The following GOLGA8B variants were observed in gnomAD, a reference collection of about 807,000 sequenced individuals.
GOLGA8B encodes golgin subfamily A member 8B.
Under a neutral mutation model 15.6 loss-of-function variants are expected in GOLGA8B, and 1 was observed. That is an observed-to-expected ratio of 0.06 (90% CI 0.02 to 0.30). The LOEUF is 0.30. Among genes scored for constraint, GOLGA8B ranks in the 10% least tolerant of loss-of-function variants. GOLGA8B has a pLI of 1.00. For synonymous variants in GOLGA8B, 9 were observed against 80.3 expected (o/e 0.11, Z 4.75); for missense variants, 17 against 201.3 (o/e 0.08, Z 5.54).
intron 1 of GOLGA8B, among the ~76,000 whole-genome samples, chr15:34,574,519 G>A (rs1195163321): frequency 4.0e-5 from 6 of 151,696 alleles, no homozygotes; most frequent in African/African-American, 1.5e-4. Context: ...TGCCCAGGCT[G>A]ATCTCAAACT....
At chr15:34,573,503 C>G (rs1458466441) in intron 1 of GOLGA8B, among the ~76,000 whole-genome samples, 11 of 141,038 alleles carry the variant, frequency 7.8e-5, no homozygotes, top group African/African-American at 2.1e-4. Flanking sequence ...TGCCACTGCA[C>G]TCCAGCCTGG....
At chr15:34,580,296 G>C (rs895415752) in intron 1 of GOLGA8B, among the ~76,000 whole-genome samples, 11 of 152,186 alleles carry the variant, frequency 7.2e-5, no homozygotes, top group Admixed American at 2.6e-4. Context: ...TTGGGAGCGA[G>C]TGGGAGAATT....
At position 34,531,306 on chromosome 15, in the gene GOLGA8B, CAG is replaced by C. The variant is rs1278456771; in HGVS notation, c.528_529del (p.Ala178CysfsTer17). On this transcript the variant is annotated frameshift_variant, in exon 15 of 24. Transcript: ENST00000683415. LOFTEE classifies it high-confidence loss of function. ...CTTCTTCTGTGTGGCGGCGACAGCA[CAG>C]AGAGACCACTCTAACTCTCCTATAC... 2.4e-5 allele frequency: 2 copies of C among 83,528 alleles called. No individual in the cohort carries two copies. Among genetic ancestry groups the C allele is most frequent in the East Asian group, 8.0e-4 (2 of 2,514 alleles). The allele number at this position is 83,528 out of a possible 1,614,324, so 5.2% of individuals were successfully genotyped here.
intron 1 of GOLGA8B, among the ~76,000 whole-genome samples, chr15:34,567,907 AC>A (rs1473431270): frequency 1.4e-5 from 2 of 141,606 alleles, no homozygotes; most frequent in African/African-American, 6.4e-5. Context: ...AAAGCCACTT[AC>A]CCCTTTTTCA....
intron 1 of GOLGA8B, among the ~76,000 whole-genome samples, chr15:34,565,490 GT>G: frequency 1.5e-5 from 1 of 68,746 alleles, no homozygotes; most frequent in Admixed American, 1.4e-4. Flanking sequence ...TTGATAAGGT[GT>G]CCCCTCTTTA....
chr15:34,581,992 A>G (rs1889249219), intron 1 of GOLGA8B, among the ~76,000 whole-genome samples: 1 of 152,088 alleles, frequency 6.6e-6, no homozygotes, highest in Admixed American at 6.5e-5. Flanking sequence ...CGCCCTGGAC[A>G]CTGCCCGGAG....
intron 1 of GOLGA8B, among the ~76,000 whole-genome samples, chr15:34,578,555 T>C (rs1206908947): frequency 1.3e-5 from 2 of 152,088 alleles, no homozygotes; most frequent in Non-Finnish European, 1.5e-5. Context: ...CACAGCAGAG[T>C]GCTCTTAGGC....
Position 34,525,968 on chromosome 15 carries a change from C to T in GOLGA8B, c.*1664G>A, listed in dbSNP as rs1182243574. 6.7e-6 allele frequency: 1 copy of T among 149,228 alleles called. No homozygotes were observed. The highest frequency in any genetic ancestry group is 1.5e-5 in the Non-Finnish European group (1 of 67,118). The allele number at this position is 149,228 out of a possible 1,614,324, so 9.2% of individuals were successfully genotyped here. A position where few individuals can be genotyped will look rare whatever the true frequency, so the allele number is the denominator to read the frequency against. ...TAATAATGTGATGTGTTTTGGAACA[C>T]AGACATTAGAACTTCATGAAGTTTT... On this transcript the variant is annotated 3_prime_UTR_variant, in exon 24 of 24. Coordinates refer to ENST00000683415, the MANE Select transcript of GOLGA8B (RefSeq NM_001023567.5).
intron 1 of GOLGA8B, among the ~76,000 whole-genome samples, chr15:34,572,832 T>C (rs956247352): frequency 2.0e-5 from 3 of 152,268 alleles, no homozygotes; most frequent in African/African-American, 4.8e-5. Flanking sequence ...ATCTATCATA[T>C]GTTAGGCGCC....
intron 1 of GOLGA8B, among the ~76,000 whole-genome samples, chr15:34,576,265 A>G (rs1159895118): frequency 6.6e-6 from 1 of 152,236 alleles, no homozygotes; most frequent in African/African-American, 2.4e-5. Context: ...GGCTGCCTCT[A>G]GGTGTATCAA....
chr15:34,582,050 C>A (rs577941368), intron 1 of GOLGA8B, among the ~76,000 whole-genome samples: 17 of 152,202 alleles, frequency 1.1e-4, no homozygotes, highest in Non-Finnish European at 2.4e-4. Flanking sequence ...TCCTGCCCCG[C>A]AGTTCCTAAG....
Position 34,527,485 on chromosome 15 carries a change from ATAAACT to A in GOLGA8B, c.*141_*146del, listed in dbSNP as rs773937208. 9.7e-5 allele frequency: 69 copies of A among 712,012 alleles called. No homozygotes were observed. Among genetic ancestry groups the A allele is most frequent in the South Asian group, 8.1e-4 (38 of 47,132 alleles). 44.1% of individuals were successfully genotyped at this position (712,012 alleles called of 1,614,324 possible). On this transcript the variant is annotated 3_prime_UTR_variant, in exon 24 of 24. Transcript: ENST00000683415. ...CCCACTCTCTTTTAACTTTTTACAA[ATAAACT>A]TAAACTATAAATTAGAAACACAAAT...
rs191481674 is a variant in GOLGA8B, at chr15:34,526,880, A to G, written c.*752T>C. On this transcript the variant is annotated 3_prime_UTR_variant, in exon 24 of 24. Transcript: ENST00000683415. ...CGATGCAATATCTTCATGAGCCCAG[A>G]GCACATACAAATCCAAAGGGAACTG... is the stretch of plus-strand genomic sequence containing the variant. The G allele has an allele frequency of 6.7e-6, 1 of 150,056 alleles. No individual in the cohort carries two copies. The highest frequency in any genetic ancestry group is 2.0e-4 in the East Asian group (1 of 5,088). 9.3% of individuals were successfully genotyped at this position (150,056 alleles called of 1,614,324 possible).
intron 1 of GOLGA8B, among the ~76,000 whole-genome samples, chr15:34,573,486 G>A (rs980827778): frequency 1.4e-5 from 2 of 139,778 alleles, no homozygotes; most frequent in African/African-American, 2.7e-5. Flanking sequence ...ACAGTAAGCC[G>A]AGATTGTGCC....
intron 1 of GOLGA8B, among the ~76,000 whole-genome samples, chr15:34,575,649 G>T (rs3893822): frequency 0.51 from 76,209 of 150,454 alleles, 19,092 homozygotes; most frequent in Admixed American, 0.59. Context: ...CCCTTCTGCC[G>T]AGAGGGCTCT....
intron 1 of GOLGA8B, among the ~76,000 whole-genome samples, chr15:34,580,982 G>A (rs1354224045): frequency 2.0e-5 from 3 of 152,170 alleles, no homozygotes; most frequent in African/African-American, 4.8e-5. Flanking sequence ...AGCCAGGGCC[G>A]CCACCCAGGC....
intron 1 of GOLGA8B, among the ~76,000 whole-genome samples, chr15:34,571,383 TG>T (rs1429125060): frequency 4.0e-5 from 6 of 150,848 alleles, no homozygotes; most frequent in African/African-American, 1.5e-4. Flanking sequence ...TGGCGGAAAA[TG>T]AAAAAAGAAG....
chr15:34,567,312 G>A (rs1235181104), intron 1 of GOLGA8B, among the ~76,000 whole-genome samples: 2 of 147,474 alleles, frequency 1.4e-5, no homozygotes, highest in African/African-American at 5.1e-5. Context: ...CAACAACTCT[G>A]CCCTCCATAC....
intron 1 of GOLGA8B, among the ~76,000 whole-genome samples, chr15:34,575,769 G>A (rs1199147220): frequency 1.3e-5 from 2 of 152,102 alleles, no homozygotes. Context: ...TGCCTCTCTA[G>A]GAGGGCCTTG....
Sources: gnomAD v4.1 joint callset for allele counts (sites outside exome capture counted in the v4.1 genomes callset) on GRCh38, gnomAD v4.1.1 for gene constraint, MANE v1.5 for transcripts, NCBI Gene and HGNC (gene_info 2026-07-23, HGNC 2026-07-21) for gene names.